SUPT20H: variants seen among roughly 807,000 people sequenced by gnomAD.
SUPT20H encodes SPT20 homolog, SAGA complex component, also known as transcription factor SPT20 homolog.
In SUPT20H, 82 loss-of-function variants were observed where a neutral mutation model predicts 122.8. The observed-to-expected ratio is 0.67, with a 90% CI of 0.56 to 0.80. The LOEUF (loss-of-function observed/expected upper bound fraction) is 0.80. Among genes scored for constraint, SUPT20H ranks in the 30% least tolerant of loss-of-function variants. SUPT20H has a pLI of 0.00. For missense variants in SUPT20H, 831 were observed against 921.6 expected (o/e 0.90, Z 1.27); for synonymous variants, 291 against 313.0 (o/e 0.93, Z 0.74).
At chr13:37,034,150 C>T (rs1296225235) in intron 9 of SUPT20H, among the ~76,000 whole-genome samples, 1 of 152,118 alleles carries the variant, frequency 6.6e-6, no homozygotes, top group African/African-American at 2.4e-5. Flanking sequence ...AAAATGGCCT[C>T]TTAGTGTTCA....
chr13:37,049,431 T>C (rs1490778695), intron 2 of SUPT20H, among the ~76,000 whole-genome samples: 1 of 152,020 alleles, frequency 6.6e-6, no homozygotes, highest in Non-Finnish European at 1.5e-5. Flanking sequence ...TGAATAAAAG[T>C]ACTAGGTTCT....
chr13:37,055,468 C>T (rs1244840693), intron 1 of SUPT20H, among the ~76,000 whole-genome samples: 1 of 152,162 alleles, frequency 6.6e-6, no homozygotes, highest in Non-Finnish European at 1.5e-5. Context: ...TGCCACATAT[C>T]TACAACCATC....
intron 23 of SUPT20H, among the ~76,000 whole-genome samples, chr13:37,014,775 A>C (rs566817363): frequency 3.3e-5 from 5 of 152,320 alleles, no homozygotes; most frequent in Non-Finnish European, 7.4e-5. Context: ...CTAAGCTTCC[A>C]CTTACGAAAC....
intron 21 of SUPT20H, among the ~76,000 whole-genome samples, 154 bp from the exon 22 acceptor site, chr13:37,019,551 A>G (rs1434285093): frequency 6.6e-6 from 1 of 152,190 alleles, no homozygotes; most frequent in African/African-American, 2.4e-5. Context: ...AAAACAAAAG[A>G]TTGTCTTCAA....
intron 9 of SUPT20H, among the ~76,000 whole-genome samples, chr13:37,034,461 A>G (rs1477863336): frequency 1.3e-5 from 2 of 152,264 alleles, no homozygotes; most frequent in Non-Finnish European, 2.9e-5. Flanking sequence ...AGCCTAATCC[A>G]GAGCAAATTC....
chr13:37,010,037 C>A (rs1425042749), intron 25 of SUPT20H, among the ~76,000 whole-genome samples: 2 of 152,186 alleles, frequency 1.3e-5, no homozygotes, highest in Non-Finnish European at 2.9e-5. Flanking sequence ...TTATTTGTTA[C>A]TTTGCCCTGC....
intron 24 of SUPT20H, among the ~76,000 whole-genome samples, chr13:37,011,230 CAAAGTT>C (rs1220894097): frequency 2.7e-5 from 4 of 150,808 alleles, no homozygotes; most frequent in South Asian, 2.1e-4. Flanking sequence ...GACTCAGACT[CAAAGTT>C]AAGTATGGCA....
At chr13:37,026,295 A>T (rs1324169843) in intron 15 of SUPT20H, 59 bp from the exon 16 acceptor site, 1 of 1,211,558 alleles carries the variant, frequency 8.3e-7, no homozygotes, top group Admixed American at 2.9e-5. Context: ...TGTCTTAAGA[A>T]GGCTTGGGAT....
At chr13:37,049,847 T>C (rs1236407942) in intron 2 of SUPT20H, among the ~76,000 whole-genome samples, 22 of 152,214 alleles carry the variant, frequency 1.4e-4, no homozygotes, top group Admixed American at 1.3e-3. Context: ...ATGATAGTCA[T>C]TTTTAAATTT....
At chr13:37,030,715 G>A (rs1054370328) in intron 12 of SUPT20H, among the ~76,000 whole-genome samples, 12 of 152,152 alleles carry the variant, frequency 7.9e-5, no homozygotes, top group African/African-American at 2.9e-4. Context: ...AGTTTGGGAA[G>A]TACTCCAGCT....
At chr13:37,033,726 T>C in intron 9 of SUPT20H, 138 bp from the exon 10 acceptor site, 1 of 934,790 alleles carries the variant, frequency 1.1e-6, no homozygotes, top group East Asian at 3.0e-5. Context: ...AGTTCCAATG[T>C]TAGTGTGCAT....
chr13:37,022,234 T>C lies in SUPT20H; in HGVS notation c.1592-154A>G. The C allele has an allele frequency of 6.4e-7, 1 of 1,560,164 alleles. No homozygotes were observed. Among genetic ancestry groups the C allele is most frequent in the Non-Finnish European group, 8.7e-7 (1 of 1,152,052 alleles). ...GGAGTAGGGGTGGCTGAAGGGGTAC[T>C]AGGAGTTGAGCTCTGAGCATCAGGA... On this transcript the variant is annotated intron_variant, in intron 19 of 25. Transcript: ENST00000350612. The surrounding 1 kb of genome is among the most constrained non-coding windows in gnomAD (Gnocchi z 4.5).
Position 37,012,303 on chromosome 13 carries a change from T to TA in SUPT20H, c.1993-7dup. The TA allele has an allele frequency of 6.2e-7, 1 of 1,603,296 alleles. No homozygotes were observed. Among genetic ancestry groups the TA allele is most frequent in the South Asian group, 1.1e-5 (1 of 89,330 alleles). On this transcript the variant is annotated splice_polypyrimidine_tract_variant and splice_region_variant and intron_variant, in intron 23 of 25. Coordinates refer to ENST00000350612, the MANE Select transcript of SUPT20H (RefSeq NM_001014286.3). ...GTTGAACCTTGCTCAGAACCCTGAA[T>TA]AAAAAAATAATAAATGACTTGTACA...
chr13:37,035,469 T>C (rs1187666128), intron 9 of SUPT20H, among the ~76,000 whole-genome samples: 2 of 151,396 alleles, frequency 1.3e-5, no homozygotes, highest in Non-Finnish European at 2.9e-5. Context: ...ACCACTATAA[T>C]CTCATGATCA....
At chr13:37,047,401 A>G (rs112720399) in intron 5 of SUPT20H, 134 bp downstream of exon 5, 1 of 997,636 alleles carries the variant, frequency 1.0e-6, no homozygotes, top group East Asian at 4.1e-5. Context: ...AGTCAGCTAC[A>G]GAATTGACTA....
chr13:37,021,168 A>G (rs1924418), intron 21 of SUPT20H, among the ~76,000 whole-genome samples: 127,370 of 152,124 alleles, frequency 0.84, 54,341 homozygotes, highest in East Asian at 1. Context: ...ATATAACTAC[A>G]ATGACAATAA....
intron 7 of SUPT20H, among the ~76,000 whole-genome samples, chr13:37,042,471 C>A (rs576690342): frequency 6.6e-6 from 1 of 152,152 alleles, no homozygotes; most frequent in African/African-American, 2.4e-5. Flanking sequence ...TGAAAACACA[C>A]ATGTTTATGG....
At position 37,040,411 on chromosome 13, in the gene SUPT20H, C is replaced by G. The variant is rs1200002056; in HGVS notation, c.561G>C (p.Trp187Cys). 1.3e-6 allele frequency: 2 copies of G among 1,568,464 alleles called. No individual in the cohort carries two copies. The highest frequency in any genetic ancestry group is 2.8e-5 in the African/African-American group (2 of 72,222). The change falls in exon 9 of 26, where the codon TGG becomes TGC. Residue 187 changes from tryptophan (W) to cysteine (C), a missense_variant. Transcript: ENST00000350612. Reference protein sequence around the residue: ...VHSITSDNHKWTQEDKLLLES... With the variant: ...VHSITSDNHKCTQEDKLLLES... ...AAAAAACAAAACAACTAACCTGGGT[C>G]CATTTGTGGTTATCACTTGTTATTG...
chr13:37,044,217 C>G, intron 6 of SUPT20H, 36 bp from the exon 7 acceptor site: 1 of 1,527,510 alleles, frequency 6.5e-7, no homozygotes. Flanking sequence ...AATGATCATG[C>G]TCACTGAAAG....
Sources: gnomAD v4.1 joint callset for allele counts (sites outside exome capture counted in the v4.1 genomes callset) on GRCh38, gnomAD v4.1.1 for gene constraint, Gnocchi (gnomAD v3.1) non-coding constraint, MANE v1.5 for transcripts, NCBI Gene and HGNC (gene_info 2026-07-23, HGNC 2026-07-21) for gene names.